The following LAMA2 variants were observed in gnomAD, a reference collection of about 807,000 sequenced individuals.
The protein encoded by LAMA2 is laminin subunit alpha-2.
LAMA2 carries 269 observed loss-of-function variants against 364.8 expected under a neutral mutation model. That is an observed-to-expected ratio of 0.74 (90% CI 0.67 to 0.82). The LOEUF is 0.82. LAMA2 is among the 40% of genes least tolerant of loss of function. The pLI is 0.00. For missense variants in LAMA2, 3,807 were observed against 3,873.2 expected (o/e 0.98, Z 0.45); for synonymous variants, 1,379 against 1,370.6 (o/e 1.01, Z -0.14).
At chr6:129,368,399 C>T (rs1247734522) in intron 33 of LAMA2, among the ~76,000 whole-genome samples, 1 of 152,190 alleles carries the variant, frequency 6.6e-6, no homozygotes, top group Non-Finnish European at 1.5e-5. Flanking sequence ...TTCAGTGAGG[C>T]AGGGTGATAT....
intron 1 of LAMA2, among the ~76,000 whole-genome samples, chr6:128,997,485 G>C (rs902954877): frequency 1.3e-5 from 2 of 152,096 alleles, no homozygotes; most frequent in African/African-American, 4.8e-5. Flanking sequence ...ACACAAACTG[G>C]CTATTCAAGA....
At chr6:129,382,076 G>A (rs984331565) in intron 34 of LAMA2, among the ~76,000 whole-genome samples, 7 of 151,992 alleles carry the variant, frequency 4.6e-5, no homozygotes, top group Non-Finnish European at 7.4e-5. Flanking sequence ...TAATTCTCTG[G>A]CCATGCCTAG....
intron 22 of LAMA2, among the ~76,000 whole-genome samples, chr6:129,312,365 T>G (rs1774281842): frequency 6.6e-6 from 1 of 152,238 alleles, no homozygotes; most frequent in Non-Finnish European, 1.5e-5. Context: ...TCTAGTCTGA[T>G]GCCCTTTGTA....
rs1396522244 is a variant in LAMA2, at chr6:129,172,939, G to A, written c.1307-4767G>A. ...CGGTGGGAGTGACCCGATTTTCCAGGTGCCGTCCGTCACCCCTTTCTGTGA... is the reference window on the plus strand; with the variant it reads ...CGGTGGGAGTGACCCGATTTTCCAGATGCCGTCCGTCACCCCTTTCTGTGA... On this transcript the variant is annotated intron_variant, in intron 9 of 64. Coordinates refer to ENST00000421865, the MANE Select transcript of LAMA2 (RefSeq NM_000426.4). Among the ~76,000 whole-genome samples, 5 of 152,298 alleles carry A rather than the reference G, an allele frequency of 3.3e-5. No individual in the cohort carries two copies. The East Asian group carries it at 9.7e-4, about 29-fold the overall frequency.
intron 12 of LAMA2, among the ~76,000 whole-genome samples, chr6:129,239,060 A>G (rs957689192): frequency 2.0e-5 from 3 of 152,206 alleles, no homozygotes; most frequent in Non-Finnish European, 2.9e-5. Flanking sequence ...CATAATAGCA[A>G]CAATAACAGG....
intron 10 of LAMA2, among the ~76,000 whole-genome samples, chr6:129,189,978 G>A (rs569101435): frequency 2.9e-4 from 44 of 152,248 alleles, no homozygotes; most frequent in African/African-American, 1.0e-3. Context: ...TCACTTTTAC[G>A]AGAGTAGATT....
At chr6:129,339,829 C>G (rs1776157149) in intron 29 of LAMA2, among the ~76,000 whole-genome samples, 1 of 151,926 alleles carries the variant, frequency 6.6e-6, no homozygotes, top group African/African-American at 2.4e-5. Context: ...ATGGTGAAAC[C>G]CCGTCTTTAC....
intron 31 of LAMA2, among the ~76,000 whole-genome samples, chr6:129,350,731 A>G (rs1776809731): frequency 1.3e-5 from 2 of 152,204 alleles, no homozygotes; most frequent in Non-Finnish European, 1.5e-5. Context: ...ATCAGCATCC[A>G]CTTAAGAGTC....
At chr6:129,051,364 G>A (rs1362398056) in intron 2 of LAMA2, among the ~76,000 whole-genome samples, 2 of 149,380 alleles carry the variant, frequency 1.3e-5, no homozygotes, top group East Asian at 3.9e-4. Flanking sequence ...CCAGGCTGGA[G>A]TGCAGTGGTG....
chr6:129,429,571 G>T (rs1781488940), intron 41 of LAMA2, among the ~76,000 whole-genome samples: 3 of 152,088 alleles, frequency 2.0e-5, no homozygotes, highest in African/African-American at 4.8e-5. Context: ...GTGTATTACA[G>T]GTGAAATAAA....
chr6:129,371,607 C>CTTTT (rs376262275), intron 34 of LAMA2, among the ~76,000 whole-genome samples: 3 of 132,574 alleles, frequency 2.3e-5, no homozygotes, highest in African/African-American at 8.4e-5. Flanking sequence ...AAAAGTATTT[C>CTTTT]TTTTTTTTTT....
intron 3 of LAMA2, among the ~76,000 whole-genome samples, chr6:129,076,111 G>A (rs1356616653): frequency 6.6e-6 from 1 of 151,792 alleles, no homozygotes; most frequent in East Asian, 1.9e-4. Context: ...AATTATTCAA[G>A]TGGAAATATT....
chr6:128,973,764 C>A (rs1782346703), intron 1 of LAMA2, among the ~76,000 whole-genome samples: 1 of 152,088 alleles, frequency 6.6e-6, no homozygotes, highest in South Asian at 2.1e-4. Context: ...CCAGAAGAAT[C>A]ACAGAGACAA....
At chr6:128,912,539 A>G (rs1253449672) in intron 1 of LAMA2, among the ~76,000 whole-genome samples, 5 of 152,206 alleles carry the variant, frequency 3.3e-5, no homozygotes, top group Admixed American at 6.6e-5. Flanking sequence ...TTTAAAATCT[A>G]CTATAATTAT....
intron 1 of LAMA2, among the ~76,000 whole-genome samples, chr6:128,887,384 T>C (rs1424803677): frequency 6.6e-6 from 1 of 152,154 alleles, no homozygotes; most frequent in Non-Finnish European, 1.5e-5. Context: ...ATGCATGGCA[T>C]TTCAACATAT....
At chr6:129,146,362 A>G (rs1778431762) in intron 5 of LAMA2, among the ~76,000 whole-genome samples, 1 of 152,058 alleles carries the variant, frequency 6.6e-6, no homozygotes, top group Non-Finnish European at 1.5e-5. Context: ...GCTCTATGTT[A>G]ACTTCATATA....
intron 16 of LAMA2, among the ~76,000 whole-genome samples, chr6:129,270,266 T>TACAC (rs10522614): frequency 1.3e-4 from 19 of 143,036 alleles, no homozygotes; most frequent in African/African-American, 4.7e-4. Flanking sequence ...GCTCTATGAC[T>TACAC]ACACACACAC....
At chr6:129,158,244 G>T in intron 8 of LAMA2, 1 of 1,614,024 alleles carries the variant, frequency 6.2e-7, no homozygotes, top group South Asian at 1.1e-5. Flanking sequence ...AATATCTGCC[G>T]CTATGAAACC....
At chr6:128,932,334 G>A (rs540017038) in intron 1 of LAMA2, among the ~76,000 whole-genome samples, 1 of 152,146 alleles carries the variant, frequency 6.6e-6, no homozygotes, top group Non-Finnish European at 1.5e-5. Context: ...CACTAGTGAC[G>A]CATTAGAGCC....
Sources: allele counts gnomAD v4.1 joint callset (sites outside exome capture counted in the v4.1 genomes callset), GRCh38; gene constraint gnomAD v4.1.1; transcripts MANE v1.5; gene names NCBI Gene and HGNC (gene_info 2026-07-23, HGNC 2026-07-21).